Variants in TMEM132B observed in about 807,000 individuals in gnomAD.
TMEM132B encodes transmembrane protein 132B.
A neutral mutation model predicts 90.8 loss-of-function variants in TMEM132B; 18 were observed. The observed-to-expected ratio is 0.20, with a 90% CI of 0.14 to 0.29. TMEM132B has a LOEUF of 0.29. TMEM132B is among the 10% of genes least tolerant of loss of function. TMEM132B has a pLI of 1.00. For synonymous variants in TMEM132B, 504 were observed against 523.3 expected (o/e 0.96, Z 0.50); for missense variants, 1,096 against 1,326.8 (o/e 0.83, Z 2.70).
intron 1 of TMEM132B, among the ~76,000 whole-genome samples, chr12:125,221,364 G>A (rs570441109): frequency 4.6e-5 from 7 of 152,112 alleles, no homozygotes; most frequent in African/African-American, 7.2e-5. Context: ...CTTGCCCCTC[G>A]TCTTCAAAAG....
chr12:125,221,582 G>A (rs1873557272), intron 1 of TMEM132B, among the ~76,000 whole-genome samples: 1 of 152,216 alleles, frequency 6.6e-6, no homozygotes, highest in Non-Finnish European at 1.5e-5. Flanking sequence ...TTTATGTAAG[G>A]CAGGTCGTAG....
intron 2 of TMEM132B, among the ~76,000 whole-genome samples, chr12:125,388,908 A>C (rs1343977742): frequency 6.6e-6 from 1 of 152,142 alleles, no homozygotes; most frequent in Non-Finnish European, 1.5e-5. Flanking sequence ...AGCAATTCCT[A>C]CTAGTTACAA....
At chr12:125,470,284 G>A (rs1223506963) in intron 3 of TMEM132B, among the ~76,000 whole-genome samples, 3 of 152,184 alleles carry the variant, frequency 2.0e-5, no homozygotes, top group Admixed American at 6.5e-5. Context: ...ACTGCAGACA[G>A]TGGGGATTCT....
rs537788392 is a variant in TMEM132B at position 125,420,514 on chromosome 12, A to G, written c.1106+4837A>G. On this transcript the variant is annotated intron_variant, in intron 3 of 8. Transcript: ENST00000682704. ...ACCAAGTCCCTAGGCTGCACAGAGC[A>G]GGGGGATCCTGGGCCAGGCCCACTA... Among the ~76,000 whole-genome samples the G allele has an allele frequency of 2.4e-3, 359 of 151,790 alleles. 3 individuals carry two copies. The highest frequency in any genetic ancestry group is 8.2e-3 in the African/African-American group (337 of 41,174).
intron 1 of TMEM132B, among the ~76,000 whole-genome samples, chr12:125,288,067 T>C (rs1875413782): frequency 7.0e-6 from 1 of 142,494 alleles, no homozygotes; most frequent in Non-Finnish European, 1.5e-5. Context: ...AGAGACGGGG[T>C]TTCACCATGT....
chr12:125,598,693 G>A (rs1003882772), intron 5 of TMEM132B, among the ~76,000 whole-genome samples: 8 of 152,208 alleles, frequency 5.3e-5, no homozygotes, highest in Non-Finnish European at 7.3e-5. Flanking sequence ...GATGTTTTGT[G>A]GGGTTGACAT....
At chr12:125,272,829 T>C (rs1234331808) in intron 1 of TMEM132B, among the ~76,000 whole-genome samples, 1 of 152,244 alleles carries the variant, frequency 6.6e-6, no homozygotes, top group Non-Finnish European at 1.5e-5. Context: ...GCTACAGATG[T>C]TGGCACTTCC....
intron 3 of TMEM132B, among the ~76,000 whole-genome samples, chr12:125,446,571 G>A (rs1354868907): frequency 1.3e-5 from 2 of 152,026 alleles, no homozygotes; most frequent in East Asian, 3.9e-4. Flanking sequence ...TTTCTCATTT[G>A]TATAGATGCA....
At chr12:125,523,662 A>G (rs1226731317) in intron 4 of TMEM132B, among the ~76,000 whole-genome samples, 1 of 152,204 alleles carries the variant, frequency 6.6e-6, no homozygotes, top group Non-Finnish European at 1.5e-5. Context: ...AGCTTCCTCA[A>G]ACTGGGTGCT....
chr12:125,201,187 G>T (rs565419502), intron 1 of TMEM132B, among the ~76,000 whole-genome samples: 89 of 152,264 alleles, frequency 5.8e-4, no homozygotes, highest in African/African-American at 2.1e-3. Flanking sequence ...AGGGGGAAAA[G>T]TATTGGGGGA....
chr12:125,637,880 C>G (rs187717145), intron 5 of TMEM132B, among the ~76,000 whole-genome samples: 5 of 152,164 alleles, frequency 3.3e-5, no homozygotes, highest in African/African-American at 1.2e-4. Context: ...ACTGAAAAGA[C>G]GCATTAGGAT....
chr12:125,464,866 A>G (rs1881524628), intron 3 of TMEM132B, among the ~76,000 whole-genome samples: 1 of 152,234 alleles, frequency 6.6e-6, no homozygotes, highest in African/African-American at 2.4e-5. Flanking sequence ...TAACACAGAC[A>G]TGCTCTGGCT....
chr12:125,402,660 G>C (rs1475613484), intron 2 of TMEM132B, among the ~76,000 whole-genome samples: 1 of 152,218 alleles, frequency 6.6e-6, no homozygotes, highest in Non-Finnish European at 1.5e-5. Context: ...CAAGATGGCA[G>C]AGATGTTGAA....
At position 125,653,709 on chromosome 12, in the gene TMEM132B, C is replaced by T; in HGVS notation, c.2251C>T (p.Pro751Ser). 6.2e-7 allele frequency: 1 copy of T among 1,614,046 alleles called. No individual in the cohort carries two copies. The highest frequency in any genetic ancestry group is 1.1e-5 in the South Asian group (1 of 91,076). The part of the protein sequence containing the change: ...SVQANLESKW[P>S]IVVAEGEGQG... The stretch of plus-strand genomic sequence containing the variant: ...CCAGGCAAACCTTGAGTCCAAATGG[C>T]CAATTGTGGTTGCAGAGGGTGAAGG... The change falls in exon 9 of 9, where the codon CCA becomes TCA. Residue 751 changes from proline (P) to serine (S), a missense_variant. Physicochemically the swap from Pro to Ser is moderately conservative, Grantham distance 74 (BLOSUM62 -1). Coordinates refer to ENST00000682704, the MANE Select transcript of TMEM132B (RefSeq NM_001366854.1).
intron 3 of TMEM132B, among the ~76,000 whole-genome samples, chr12:125,452,830 A>G (rs538857624): frequency 5.1e-4 from 77 of 151,966 alleles, no homozygotes; most frequent in Non-Finnish European, 9.1e-4. Context: ...TTCATTATTG[A>G]TTTATATGTA....
intron 1 of TMEM132B, among the ~76,000 whole-genome samples, chr12:125,314,937 G>T (rs1029493538): frequency 1.3e-5 from 2 of 152,184 alleles, no homozygotes; most frequent in African/African-American, 4.8e-5. Flanking sequence ...GAGTCTGGGG[G>T]CACTGTCCTG....
At chr12:125,646,450 G>A (rs558863887) in intron 6 of TMEM132B, among the ~76,000 whole-genome samples, 4 of 152,238 alleles carry the variant, frequency 2.6e-5, no homozygotes, top group South Asian at 4.1e-4. Flanking sequence ...GGTGGATCTC[G>A]AAAACCCTTG....
chr12:125,445,995 C>G lies in TMEM132B; in HGVS notation c.1106+30318C>G, dbSNP rs765553157. 1.3e-5 allele frequency among the ~76,000 whole-genome samples: 2 copies of G among 152,298 alleles called. No homozygotes were observed. The highest frequency in any genetic ancestry group is 2.9e-5 in the Non-Finnish European group (2 of 68,026). On this transcript the variant is annotated intron_variant, in intron 3 of 8. Coordinates refer to ENST00000682704, the MANE Select transcript of TMEM132B (RefSeq NM_001366854.1). The surrounding 1 kb of genome is among the most constrained non-coding windows in gnomAD (Gnocchi z 4.3). ...TCTCTGCTATCCTGGGGGCTGCAAC[C>G]TCGCTTTCTCCAACAAAGTCTGAAT... is the stretch of plus-strand genomic sequence containing the variant.
At chr12:125,495,785 C>T (rs1294750814) in intron 3 of TMEM132B, among the ~76,000 whole-genome samples, 1 of 152,192 alleles carries the variant, frequency 6.6e-6, no homozygotes, top group Non-Finnish European at 1.5e-5. Flanking sequence ...AATGGATAGA[C>T]CATCCCTGTG....
Sources: gnomAD v4.1 joint callset for allele counts (sites outside exome capture counted in the v4.1 genomes callset) on GRCh38, gnomAD v4.1.1 for gene constraint, Gnocchi (gnomAD v3.1) non-coding constraint, MANE v1.5 for transcripts, NCBI Gene and HGNC (gene_info 2026-07-23, HGNC 2026-07-21) for gene names.